Variants in SBF2 observed in about 807,000 individuals in gnomAD.
SBF2 encodes the protein SET binding factor 2.
SBF2 carries 112 observed loss-of-function variants against 225.2 expected under a neutral mutation model. That is an observed-to-expected ratio of 0.50 (90% confidence interval 0.43 to 0.58). The LOEUF (loss-of-function observed/expected upper bound fraction) is 0.58, where lower values mean the gene tolerates loss of function less well. SBF2 is among the 20% of genes least tolerant of loss of function. The pLI, the probability that SBF2 is intolerant of heterozygous loss-of-function variation, is 0.00. For synonymous variants in SBF2, 763 were observed against 773.3 expected (o/e 0.99, Z 0.22); for missense variants, 1,996 against 2,206.2 (o/e 0.90, Z 1.91).
intron 29 of SBF2, among the ~76,000 whole-genome samples, chr11:9,814,284 C>T (rs1447986231): frequency 1.3e-5 from 2 of 152,150 alleles, no homozygotes; most frequent in Admixed American, 6.5e-5. Flanking sequence ...CTCTATTGGA[C>T]CATCTGCTTT....
At chr11:9,830,754 AAAAAC>A (rs1459910393) in intron 27 of SBF2, among the ~76,000 whole-genome samples, 4 of 151,490 alleles carry the variant, frequency 2.6e-5, no homozygotes, top group African/African-American at 7.3e-5. Flanking sequence ...ACAAAAAAAA[AAAAAC>A]AAAAACAAAA....
intron 13 of SBF2, among the ~76,000 whole-genome samples, chr11:9,970,843 A>T (rs1178328072): frequency 2.6e-5 from 4 of 152,216 alleles, no homozygotes; most frequent in Non-Finnish European, 4.4e-5. Flanking sequence ...AAAGACAGGG[A>T]AAAATAAGTA....
chr11:10,192,441 A>T (rs1038429122), intron 2 of SBF2, among the ~76,000 whole-genome samples: 1 of 152,224 alleles, frequency 6.6e-6, no homozygotes, highest in African/African-American at 2.4e-5. Flanking sequence ...TTTTCAATAC[A>T]AAATATCTAA....
At chr11:10,223,653 T>C (rs894762456) in intron 1 of SBF2, among the ~76,000 whole-genome samples, 1 of 151,906 alleles carries the variant, frequency 6.6e-6, no homozygotes, top group African/African-American at 2.4e-5. Flanking sequence ...TTTCTTGTAA[T>C]GGCATGACTT....
chr11:9,872,910 G>A (rs768672477), intron 17 of SBF2, among the ~76,000 whole-genome samples: 2 of 152,034 alleles, frequency 1.3e-5, no homozygotes, highest in Non-Finnish European at 2.9e-5. Context: ...CATCATAAAA[G>A]AAGAACAGGG....
At chr11:9,825,005 T>G (rs1186917334) in intron 28 of SBF2, among the ~76,000 whole-genome samples, 1 of 152,192 alleles carries the variant, frequency 6.6e-6, no homozygotes, top group East Asian at 1.9e-4. Flanking sequence ...GCGTGTATCT[T>G]AAACTTTAAA....
At chr11:9,847,186 A>T in intron 22 of SBF2, 103 bp from the exon 23 acceptor site, 11 of 1,402,156 alleles carry the variant, frequency 7.8e-6, no homozygotes, top group Non-Finnish European at 1.1e-5. Context: ...ATGTATTTGA[A>T]GAGGACACTG....
intron 1 of SBF2, among the ~76,000 whole-genome samples, chr11:10,232,185 G>A (rs1267355068): frequency 3.3e-5 from 5 of 152,172 alleles, no homozygotes; most frequent in Admixed American, 6.5e-5. Flanking sequence ...GGAGTGACCC[G>A]ATTTTCCAGG....
chr11:9,827,652 C>G (rs1855149915), intron 28 of SBF2, among the ~76,000 whole-genome samples: 1 of 152,152 alleles, frequency 6.6e-6, no homozygotes, highest in African/African-American at 2.4e-5. Flanking sequence ...GAATACTTAG[C>G]CTTTCTCTAT....
chr11:9,995,449 C>T (rs952006627), intron 9 of SBF2, among the ~76,000 whole-genome samples: 1 of 152,154 alleles, frequency 6.6e-6, no homozygotes, highest in African/African-American at 2.4e-5. Flanking sequence ...GAATCACTAC[C>T]ACAGTACAAA....
Position 9,816,882 on chromosome 11 carries a change from C to G in SBF2, c.3936G>C (p.Arg1312=). 1 of 1,614,114 alleles carries G rather than the reference C, an allele frequency of 6.2e-7. No individual in the cohort carries two copies. The change falls in exon 29 of 40, where the codon CGG becomes CGC. Residue 1312 remains arginine (R), a synonymous_variant. Coordinates refer to ENST00000256190, the MANE Select transcript of SBF2 (RefSeq NM_030962.4). ...CACCAAATATGTAAAGGGCTGCTTG[C>G]CGTTTCAAGAGCTGGTTTTGTAGGT... ...SSYLQNQLLK[R]QAALYIFGEK...
chr11:10,225,852 T>C (rs1020187876), intron 1 of SBF2, among the ~76,000 whole-genome samples: 46 of 152,286 alleles, frequency 3.0e-4, no homozygotes, highest in Non-Finnish European at 1.5e-4. Flanking sequence ...TGAGATCTTT[T>C]TTAAAAAGAA....
At chr11:9,967,935 G>C (rs1174969489) in intron 14 of SBF2, among the ~76,000 whole-genome samples, 37 of 114,566 alleles carry the variant, frequency 3.2e-4, no homozygotes, top group African/African-American at 8.4e-4. Flanking sequence ...CTGTCTGTCT[G>C]TCTGTCTGTC....
chr11:10,293,236 G>T (rs58795846), intron 1 of SBF2, among the ~76,000 whole-genome samples: 1,914 of 152,304 alleles, frequency 0.013, 42 homozygotes, highest in African/African-American at 0.037. Flanking sequence ...CTCTTAAGTT[G>T]TGGAAGTCCG....
At chr11:9,838,050 T>A (rs1029162316) in intron 26 of SBF2, 1 of 151,966 alleles carries the variant, frequency 6.6e-6, no homozygotes, top group African/African-American at 2.4e-5. Flanking sequence ...TTTTTTTTTT[T>A]TTTTTTTTAA....
chr11:9,839,767 G>A (rs960890161), intron 25 of SBF2, 71 bp from the exon 26 acceptor site: 24 of 1,417,982 alleles, frequency 1.7e-5, no homozygotes, highest in Non-Finnish European at 2.3e-5. Context: ...GGTAGTACCT[G>A]TGGGGAGCTC....
chr11:10,177,795 C>T (rs1956537603), intron 2 of SBF2, among the ~76,000 whole-genome samples: 1 of 149,772 alleles, frequency 6.7e-6, no homozygotes, highest in Non-Finnish European at 1.5e-5. Context: ...TCAATGCCAT[C>T]CCCATCAAGC....
At chr11:9,787,354 C>T (rs1338636837) in intron 36 of SBF2, among the ~76,000 whole-genome samples, 1 of 152,134 alleles carries the variant, frequency 6.6e-6, no homozygotes, top group Non-Finnish European at 1.5e-5. Flanking sequence ...TCAGCTGAAA[C>T]CACACGGGCA....
chr11:10,049,948 G>T (rs1486704512), intron 2 of SBF2, among the ~76,000 whole-genome samples: 1 of 152,180 alleles, frequency 6.6e-6, no homozygotes, highest in Non-Finnish European at 1.5e-5. Context: ...CAGGAAGGAA[G>T]TATGTGAGCT....
Sources: allele counts gnomAD v4.1 joint callset (sites outside exome capture counted in the v4.1 genomes callset), GRCh38; gene constraint gnomAD v4.1.1; transcripts MANE v1.5; gene names NCBI Gene and HGNC (gene_info 2026-07-23, HGNC 2026-07-21).